Variants in CDIN1 observed in about 807,000 individuals in gnomAD.
CDIN1 encodes the protein CDAN1 interacting nuclease 1, also known as CDAN1-interacting nuclease 1.
Under a neutral mutation model 45.3 loss-of-function variants are expected in CDIN1, and 33 were observed. The ratio of observed to expected loss-of-function variants is 0.73; its 90% CI spans 0.55 to 0.97. The LOEUF is 0.97. Ranked by LOEUF, CDIN1 falls within the 50% of genes least tolerant of loss-of-function variation. The pLI, the probability that CDIN1 is intolerant of heterozygous loss-of-function variation, is 0.00. For synonymous variants in CDIN1, 118 were observed against 124.4 expected (o/e 0.95, Z 0.34); for missense variants, 303 against 339.4 (o/e 0.89, Z 0.84).
intron 7 of CDIN1, among the ~76,000 whole-genome samples, chr15:36,694,595 G>C (rs951131009): frequency 6.6e-6 from 1 of 152,016 alleles, no homozygotes; most frequent in African/African-American, 2.4e-5. Flanking sequence ...GTTATCTACT[G>C]TATTTTTTCC....
intron 1 of CDIN1, among the ~76,000 whole-genome samples, chr15:36,602,949 C>T (rs1285076697): frequency 6.6e-6 from 1 of 151,702 alleles, no homozygotes. Flanking sequence ...GATCATGCCT[C>T]TGCACTCCAG....
chr15:36,658,496 A>G (rs2040867392), intron 5 of CDIN1, among the ~76,000 whole-genome samples: 1 of 152,210 alleles, frequency 6.6e-6, no homozygotes, highest in South Asian at 2.1e-4. Flanking sequence ...GTAATATTCA[A>G]TGTGATATTC....
chr15:36,738,396 T>G (rs547923670), intron 10 of CDIN1, among the ~76,000 whole-genome samples: 1 of 152,322 alleles, frequency 6.6e-6, no homozygotes, highest in African/African-American at 2.4e-5. Context: ...GGAATCATTC[T>G]TGTTTCTCTG....
chr15:36,780,018 A>C (rs2054310123), intron 10 of CDIN1, among the ~76,000 whole-genome samples: 2 of 152,174 alleles, frequency 1.3e-5, no homozygotes. Context: ...TCTTCAATCT[A>C]GAACTCCCAT....
At chr15:36,645,379 A>G in intron 3 of CDIN1, 92 bp downstream of exon 3, 2 of 1,092,428 alleles carry the variant, frequency 1.8e-6, no homozygotes, top group South Asian at 1.6e-5. Flanking sequence ...TTTCTATGTC[A>G]TATCCCAAGA....
At chr15:36,780,098 T>C (rs10518905) in intron 10 of CDIN1, among the ~76,000 whole-genome samples, 29,131 of 152,096 alleles carry the variant, frequency 0.19, 5,377 homozygotes, top group African/African-American at 0.49. Context: ...AAGCACCCGT[T>C]GTATGGTGTA....
chr15:36,581,306 T>C (rs1220441152), intron 1 of CDIN1, among the ~76,000 whole-genome samples: 1 of 152,224 alleles, frequency 6.6e-6, no homozygotes, highest in Admixed American at 6.5e-5. Context: ...TGCTTTTTTT[T>C]CTCTTCCTCT....
intron 1 of CDIN1, among the ~76,000 whole-genome samples, chr15:36,609,535 A>G (rs746053028): frequency 3.3e-5 from 5 of 152,216 alleles, no homozygotes; most frequent in Non-Finnish European, 7.3e-5. Flanking sequence ...GGGGACCGAG[A>G]CAGGAGGATC....
chr15:36,640,258 G>A (rs1257934310), intron 1 of CDIN1, among the ~76,000 whole-genome samples: 2 of 152,064 alleles, frequency 1.3e-5, no homozygotes, highest in Non-Finnish European at 2.9e-5. Context: ...GGGGCGTTGG[G>A]GGAGGTCAAG....
At chr15:36,644,013 A>G (rs964785944) in intron 1 of CDIN1, among the ~76,000 whole-genome samples, 2 of 152,146 alleles carry the variant, frequency 1.3e-5, no homozygotes, top group African/African-American at 4.8e-5. Context: ...TATGATTTAC[A>G]ATGATTCTAA....
chr15:36,664,568 G>A (rs1220920658), intron 5 of CDIN1, among the ~76,000 whole-genome samples: 1 of 151,068 alleles, frequency 6.6e-6, no homozygotes, highest in Non-Finnish European at 1.5e-5. Context: ...TTTTTTTTGA[G>A]ACGGAGTCTC....
intron 10 of CDIN1, among the ~76,000 whole-genome samples, chr15:36,775,267 C>G (rs1176740188): frequency 1.3e-5 from 2 of 152,222 alleles, no homozygotes; most frequent in African/African-American, 4.8e-5. Context: ...TTTTATCTAG[C>G]TGTAATCTCT....
intron 10 of CDIN1, among the ~76,000 whole-genome samples, chr15:36,744,239 A>G (rs558093959): frequency 1.3e-5 from 2 of 152,310 alleles, no homozygotes; most frequent in East Asian, 1.9e-4. Context: ...CCTCTGGTCC[A>G]TACCCACAGC....
At chr15:36,661,514 A>C (rs1566876938) in intron 5 of CDIN1, among the ~76,000 whole-genome samples, 1 of 152,242 alleles carries the variant, frequency 6.6e-6, no homozygotes, top group East Asian at 1.9e-4. Context: ...CGTGTTTTCT[A>C]ATTGCATTGA....
intron 10 of CDIN1, chr15:36,734,342 C>A: frequency 2.3e-6 from 1 of 427,802 alleles, no homozygotes; most frequent in Non-Finnish European, 4.6e-6. Context: ...ACTATGTAGT[C>A]GGGTATAAGA....
At chr15:36,701,417 T>G (rs2042640371) in intron 8 of CDIN1, among the ~76,000 whole-genome samples, 1 of 152,094 alleles carries the variant, frequency 6.6e-6, no homozygotes, top group Non-Finnish European at 1.5e-5. Context: ...TTTTGTGTGT[T>G]TTTTTTAGCA....
chr15:36,649,524 C>G lies in CDIN1; in HGVS notation c.212+4237C>G, dbSNP rs529657547. On this transcript the variant is annotated intron_variant, in intron 3 of 10. Transcript: ENST00000566621. ...GCCTTAAAAGGTCCTCAGAGAAGGCCCATTTTATGATGTTTTTTGAGTGTG... is the reference window on the plus strand; with the variant it reads ...GCCTTAAAAGGTCCTCAGAGAAGGCGCATTTTATGATGTTTTTTGAGTGTG... Among the ~76,000 whole-genome samples the G allele has an allele frequency of 4.6e-5, 7 of 152,096 alleles. No individual in the cohort carries two copies. The South Asian group carries it at 1.5e-3, about 32-fold the overall frequency.
chr15:36,767,285 T>C (rs2053951917), intron 10 of CDIN1, among the ~76,000 whole-genome samples: 1 of 152,208 alleles, frequency 6.6e-6, no homozygotes, highest in Admixed American at 6.5e-5. Flanking sequence ...TGTCTCAGTC[T>C]GTTCTCTGTT....
At chr15:36,690,411 G>A (rs559007367) in intron 5 of CDIN1, among the ~76,000 whole-genome samples, 1 of 151,908 alleles carries the variant, frequency 6.6e-6, no homozygotes, top group South Asian at 2.1e-4. Context: ...TGGGACTACA[G>A]GCGCCCACCA....
Sources: gnomAD v4.1 joint callset for allele counts (sites outside exome capture counted in the v4.1 genomes callset) on GRCh38, gnomAD v4.1.1 for gene constraint, MANE v1.5 for transcripts, NCBI Gene and HGNC (gene_info 2026-07-23, HGNC 2026-07-21) for gene names.